Variants in HPGD observed in about 807,000 individuals in gnomAD.
The protein encoded by HPGD is 15-hydroxyprostaglandin dehydrogenase, also known as 15-hydroxyprostaglandin dehydrogenase [NAD(+)].
A neutral mutation model predicts 30.0 loss-of-function variants in HPGD; 29 were observed. That is an observed-to-expected ratio of 0.97 (90% confidence interval 0.72 to 1.32). HPGD has a LOEUF of 1.32. HPGD is among the 40% of genes most tolerant of loss of function. HPGD has a pLI of 0.00. For missense variants in HPGD, 340 were observed against 322.1 expected (o/e 1.06, Z -0.43); for synonymous variants, 99 against 112.4 (o/e 0.88, Z 0.75).
chr4:174,501,221 CT>C (rs1482780929), intron 4 of HPGD, among the ~76,000 whole-genome samples: 1 of 152,106 alleles, frequency 6.6e-6, no homozygotes, highest in African/African-American at 2.4e-5. Flanking sequence ...AGTATAATGA[CT>C]ATAGGACCAG....
At chr4:174,521,401 T>A (rs1365614) in intron 2 of HPGD, among the ~76,000 whole-genome samples, 5,468 of 152,284 alleles carry the variant, frequency 0.036, 343 homozygotes, top group African/African-American at 0.12. Context: ...TACTTTATTA[T>A]GATTACTATT....
chr4:174,500,601 G>A (rs1160492691), intron 4 of HPGD, among the ~76,000 whole-genome samples: 3 of 152,178 alleles, frequency 2.0e-5, no homozygotes, highest in Non-Finnish European at 4.4e-5. Context: ...AGATATGGAG[G>A]AAACGTAAAT....
chr4:174,522,256 C>A, intron 1 of HPGD, 103 bp downstream of exon 1: 2 of 1,369,448 alleles, frequency 1.5e-6, no homozygotes, highest in Non-Finnish European at 2.0e-6. Context: ...AAAGTGGGCA[C>A]GCCGGGCGCG....
chr4:174,498,636 T>A (rs1358269704), intron 4 of HPGD, among the ~76,000 whole-genome samples: 1 of 152,242 alleles, frequency 6.6e-6, no homozygotes, highest in African/African-American at 2.4e-5. Context: ...ATAGCTGTTT[T>A]GAGATTCATC....
upstream of HPGD, chr4:174,522,839 C>G (rs1005275812): frequency 5.7e-6 from 1 of 175,598 alleles, no homozygotes; most frequent in Admixed American, 6.3e-5. Context: ...AAGCTTGGAT[C>G]CCTCCTCCTG....
intron 5 of HPGD, 51 bp from the exon 6 acceptor site, chr4:174,493,365 A>G (rs527954854): frequency 2.9e-5 from 45 of 1,541,976 alleles, no homozygotes; most frequent in African/African-American, 2.4e-4. Flanking sequence ...CATATAGCAC[A>G]GGACAAACTG....
At chr4:174,521,503 A>G (rs1368220388) in intron 2 of HPGD, among the ~76,000 whole-genome samples, 2 of 152,212 alleles carry the variant, frequency 1.3e-5, no homozygotes, top group Admixed American at 6.5e-5. Context: ...ATGCTCCTTG[A>G]ACTTGTATTC....
At chr4:174,517,144 A>G (rs1735823569) in intron 3 of HPGD, among the ~76,000 whole-genome samples, 1 of 152,196 alleles carries the variant, frequency 6.6e-6, no homozygotes, top group Non-Finnish European at 1.5e-5. Context: ...GATTTTTACT[A>G]AACTCCAATA....
upstream of HPGD, chr4:174,522,641 T>C: frequency 2.1e-6 from 1 of 481,190 alleles, no homozygotes; most frequent in East Asian, 3.5e-5. Flanking sequence ...CTGAGCGTTC[T>C]GGAGCGCCAA....
chr4:174,513,869 T>G (rs1430462814), intron 3 of HPGD, among the ~76,000 whole-genome samples: 1 of 151,954 alleles, frequency 6.6e-6, no homozygotes, highest in African/African-American at 2.4e-5. Context: ...ATCAATAAAT[T>G]GCAATCATTA....
Position 174,493,209 on chromosome 4 carries a change from G to T in HPGD, c.604C>A (p.Gln202Lys). 6.2e-7 allele frequency: 1 copy of T among 1,608,546 alleles called. No homozygotes were observed. Among genetic ancestry groups the T allele is most frequent in the Non-Finnish European group, 8.5e-7 (1 of 1,175,616 alleles). Residue 202 changes from glutamine to lysine, a missense_variant, in exon 6 of 7, where the codon CAA becomes AAA. Physicochemically the swap from Gln to Lys is moderately conservative, Grantham distance 53. Coordinates refer to ENST00000296522, the MANE Select transcript of HPGD (RefSeq NM_000860.6). ...ESIEKEENMGQYIEYKDHIKD... is the reference protein window; with the variant it reads ...ESIEKEENMGKYIEYKDHIKD... ...ATATGATCCTTATATTCTATATATT[G>T]TCCCATGTTTTCTTCTTTTTCAATT...
At chr4:174,502,794 T>TG (rs1317238272) in intron 4 of HPGD, among the ~76,000 whole-genome samples, 1 of 152,154 alleles carries the variant, frequency 6.6e-6, no homozygotes, top group African/African-American at 2.4e-5. Flanking sequence ...AGACAGTTGC[T>TG]ACTAGTGTTC....
chr4:174,517,947 A>C, intron 3 of HPGD, 24 bp downstream of exon 3: 1 of 1,185,508 alleles, frequency 8.4e-7, no homozygotes, highest in Non-Finnish European at 1.3e-6. Context: ...ATTATAGACA[A>C]GAAATATAGC....
At chr4:174,502,401 G>A (rs576459037) in intron 4 of HPGD, among the ~76,000 whole-genome samples, 34 of 151,826 alleles carry the variant, frequency 2.2e-4, no homozygotes, top group African/African-American at 7.2e-4. Flanking sequence ...ACATGCGGCC[G>A]GGCGCGGTGG....
At chr4:174,511,448 T>C (rs1735489245) in intron 3 of HPGD, among the ~76,000 whole-genome samples, 1 of 152,140 alleles carries the variant, frequency 6.6e-6, no homozygotes, top group Admixed American at 6.6e-5. Context: ...ATTAGTTAAA[T>C]GTCAAAATTA....
chr4:174,492,177 A>G lies in HPGD; in HGVS notation c.663-83T>C. 7.7e-7 allele frequency: 1 copy of G among 1,303,694 alleles called. No individual in the cohort carries two copies. Among genetic ancestry groups the G allele is most frequent in the Non-Finnish European group, 1.1e-6 (1 of 908,698 alleles). 80.8% of individuals were successfully genotyped at this position (1,303,694 alleles called of 1,614,324 possible). ...TTTTAAGTTATTTTCTGAAGAATCT[A>G]TTAAGTTGAACATGTTATAGGGAAA... On this transcript the variant is annotated intron_variant, in intron 6 of 6. Coordinates refer to ENST00000296522, the MANE Select transcript of HPGD (RefSeq NM_000860.6). This position sits in a 1 kb window ranked among gnomAD's most constrained non-coding sequence, Gnocchi z 4.9.
intron 3 of HPGD, among the ~76,000 whole-genome samples, chr4:174,509,849 G>T (rs1195753599): frequency 6.7e-6 from 1 of 150,348 alleles, no homozygotes; most frequent in Non-Finnish European, 1.5e-5. Context: ...TTTGATAGTT[G>T]ACTGTTTTGC....
intron 2 of HPGD, among the ~76,000 whole-genome samples, chr4:174,521,621 C>G (rs1020987660): frequency 6.6e-6 from 1 of 152,184 alleles, no homozygotes; most frequent in Non-Finnish European, 1.5e-5. Flanking sequence ...TTTAATTTTC[C>G]AAGTTTTGTC....
chr4:174,498,487 G>GTAA (rs1265693322), intron 4 of HPGD, among the ~76,000 whole-genome samples: 1 of 152,036 alleles, frequency 6.6e-6, no homozygotes, highest in African/African-American at 2.4e-5. Context: ...GTGCCCCTTG[G>GTAA]TAATCCCTTT....
Sources: gnomAD v4.1 joint callset for allele counts (sites outside exome capture counted in the v4.1 genomes callset) on GRCh38, gnomAD v4.1.1 for gene constraint, Gnocchi (gnomAD v3.1) non-coding constraint, MANE v1.5 for transcripts, NCBI Gene and HGNC (gene_info 2026-07-23, HGNC 2026-07-21) for gene names.